Variants in SYBU observed in about 807,000 individuals in gnomAD.
SYBU encodes syntabulin.
A neutral mutation model predicts 35.9 loss-of-function variants in SYBU; 21 were observed. The ratio of observed to expected loss-of-function variants is 0.58; its 90% CI spans 0.41 to 0.84. The LOEUF is 0.84. Among genes scored for constraint, SYBU ranks in the 40% least tolerant of loss-of-function variants. The pLI is 0.00. For synonymous variants in SYBU, 319 were observed against 324.3 expected (o/e 0.98, Z 0.18); for missense variants, 768 against 848.2 (o/e 0.91, Z 1.17).
upstream of SYBU, among the ~76,000 whole-genome samples, chr8:109,684,855 A>T (rs1397357373): frequency 6.6e-6 from 1 of 152,172 alleles, no homozygotes; most frequent in South Asian, 2.1e-4. Flanking sequence ...CCCATGAATA[A>T]ATTTTCCTTT....
At chr8:109,675,580 T>A (rs1817157444) in intron 1 of SYBU, among the ~76,000 whole-genome samples, 1 of 152,116 alleles carries the variant, frequency 6.6e-6, no homozygotes, top group Non-Finnish European at 1.5e-5. Context: ...CTCCCAAGAC[T>A]AAGCCAGGAA....
intron 3 of SYBU, among the ~76,000 whole-genome samples, chr8:109,600,771 G>A (rs6982592): frequency 0.14 from 20,967 of 152,184 alleles, 1,632 homozygotes; most frequent in South Asian, 0.29. Flanking sequence ...GCTCAGATGT[G>A]AAAAACAATC....
chr8:109,575,068 A>C lies in SYBU; in HGVS notation c.1830T>G (p.Asp610Glu), dbSNP rs1013936759. 6.2e-7 allele frequency: 1 copy of C among 1,608,758 alleles called. No individual in the cohort carries two copies. The highest frequency in any genetic ancestry group is 1.3e-5 in the African/African-American group (1 of 74,824). The change falls in exon 7 of 7, where the codon GAT becomes GAG. Residue 610 changes from aspartate to glutamate, a missense_variant. Coordinates refer to ENST00000276646, the MANE Select transcript of SYBU (RefSeq NM_001099754.2). ...CCACGGGGGCAGCCACAGCCAGGAG[A>C]TCCACCAGGAAGCTGCTGCTCCAGT... ...RQYWSSSFLV[D>E]LLAVAAPVVP...
rs1822011516 is a variant in SYBU, at chr8:109,574,744, C to T, written c.*162G>A. The T allele has an allele frequency of 2.9e-6, 2 of 692,858 alleles. No individual in the cohort carries two copies. Among genetic ancestry groups the T allele is most frequent in the Non-Finnish European group, 4.3e-6 (2 of 462,486 alleles). 42.9% of individuals were successfully genotyped at this position (692,858 alleles called of 1,614,324 possible). A position where few individuals can be genotyped will look rare whatever the true frequency, so the allele number is the denominator to read the frequency against. On this transcript the variant is annotated 3_prime_UTR_variant, in exon 7 of 7. Transcript: ENST00000276646. ...GGTCTCCATGCCTTTGAAGATACCT[C>T]CGGTTTTAAACAGTGAACAGGCTTC...
chr8:109,615,414 C>T (rs1811624165), intron 3 of SYBU, among the ~76,000 whole-genome samples: 1 of 152,048 alleles, frequency 6.6e-6, no homozygotes, highest in Admixed American at 6.6e-5. Flanking sequence ...TAGAGTCATC[C>T]AGGGGCCTCG....
upstream of SYBU, among the ~76,000 whole-genome samples, chr8:109,682,620 A>T (rs1173301266): frequency 1.3e-5 from 2 of 152,228 alleles, no homozygotes; most frequent in African/African-American, 4.8e-5. Context: ...TAATGATGCA[A>T]TAGAAAAGAA....
At chr8:109,627,476 TATC>T (rs757916997) in intron 2 of SYBU, among the ~76,000 whole-genome samples, 6 of 152,190 alleles carry the variant, frequency 3.9e-5, no homozygotes, top group Non-Finnish European at 7.3e-5. Context: ...ATTAAGTACT[TATC>T]ATGTGGCAAA....
chr8:109,684,432 A>G (rs1319136994), upstream of SYBU, among the ~76,000 whole-genome samples: 1 of 152,260 alleles, frequency 6.6e-6, no homozygotes, highest in Admixed American at 6.5e-5. Context: ...TTTTGGTTTA[A>G]AAATGTGGCA....
At chr8:109,588,240 T>C (rs80159467) in intron 3 of SYBU, among the ~76,000 whole-genome samples, 2,772 of 152,338 alleles carry the variant, frequency 0.018, 37 homozygotes, top group Non-Finnish European at 0.028. Context: ...AAGCAGAAAT[T>C]CTAGAACAGG....
At chr8:109,647,578 T>C (rs1018724062), upstream of SYBU, 1 of 152,230 alleles carries the variant, frequency 6.6e-6, no homozygotes, top group Non-Finnish European at 1.5e-5. Context: ...TGTTATACAG[T>C]TGACACTCAA....
At chr8:109,688,404 C>T (rs921430732) in intron 1 of SYBU, among the ~76,000 whole-genome samples, 2 of 152,158 alleles carry the variant, frequency 1.3e-5, no homozygotes, top group South Asian at 2.1e-4. Context: ...CTTTCCTTTG[C>T]CAGTACCTGC....
intron 3 of SYBU, chr8:109,607,808 T>TCACACACACACACACACACA (rs71305960): frequency 3.4e-5 from 13 of 377,202 alleles, no homozygotes; most frequent in African/African-American, 9.6e-5. Context: ...CACAACTAAC[T>TCACACACACACACACACACA]CACACACACA....
intron 1 of SYBU, among the ~76,000 whole-genome samples, chr8:109,687,692 T>G (rs1030816155): frequency 2.6e-5 from 4 of 152,184 alleles, no homozygotes; most frequent in African/African-American, 9.7e-5. Context: ...GTCTAGATTT[T>G]TTTTCTCTTA....
At chr8:109,670,605 T>C (rs1032948053) in intron 1 of SYBU, among the ~76,000 whole-genome samples, 6 of 152,168 alleles carry the variant, frequency 3.9e-5, no homozygotes, top group African/African-American at 1.2e-4. Context: ...ATTTATGTTT[T>C]TGTGAATACT....
Position 109,575,721 on chromosome 8 carries a change from G to T in SYBU, c.1177C>A (p.Pro393Thr), listed in dbSNP as rs753580075. 3 of 1,614,146 alleles carry T rather than the reference G, an allele frequency of 1.9e-6. No homozygotes were observed. The East Asian group carries it at 6.7e-5, about 36-fold the overall frequency. The change falls in exon 7 of 7, where the codon CCA (proline) becomes ACA (threonine). Residue 393 changes from proline (P) to threonine (T), a missense_variant. Coordinates refer to ENST00000276646, the MANE Select transcript of SYBU (RefSeq NM_001099754.2). ...SLRDELCLDF[P>T]CDSPEKSLTL... ...AAGCTCTTCTCTGGGGAATCACATG[G>T]AAAGTCTAGGCACAGTTCGTCCCTC...
At chr8:109,616,002 C>CTTTTTTTTTTTTTTTT (rs1811725305) in intron 3 of SYBU, among the ~76,000 whole-genome samples, 1 of 99,288 alleles carries the variant, frequency 1.0e-5, no homozygotes, top group African/African-American at 4.5e-5. Context: ...CTTTTCTTTT[C>CTTTTTTTTTTTTTTTT]TTTCTTTTTT....
chr8:109,628,530 A>T (rs1164800832), intron 2 of SYBU, among the ~76,000 whole-genome samples: 1 of 151,904 alleles, frequency 6.6e-6, no homozygotes, highest in Non-Finnish European at 1.5e-5. Context: ...TTTTTTGTAA[A>T]TAGGATCTCA....
upstream of SYBU, chr8:109,645,051 C>T (rs1017182264): frequency 6.0e-6 from 3 of 499,544 alleles, no homozygotes; most frequent in African/African-American, 3.9e-5. Flanking sequence ...TGTAGGCAGG[C>T]TGCGGCTAGC....
rs1826250213 is a variant in SYBU at position 109,608,050 on chromosome 8, A to G, written c.427+10792T>C. 3.5e-6 allele frequency: 4 copies of G among 1,130,022 alleles called. No homozygotes were observed. The South Asian group carries it at 6.3e-5, about 18-fold the overall frequency. 70.0% of individuals were successfully genotyped at this position (1,130,022 alleles called of 1,614,324 possible). On this transcript the variant is annotated intron_variant, in intron 3 of 6. Transcript: ENST00000276646. ...GTAGAGTACAGTCTCAGAGTGGGGTATCCATGGAGACTGAGCCTTCTGCAT... is the reference window on the plus strand; with the variant it reads ...GTAGAGTACAGTCTCAGAGTGGGGTGTCCATGGAGACTGAGCCTTCTGCAT...
Sources: allele counts gnomAD v4.1 joint callset (sites outside exome capture counted in the v4.1 genomes callset), GRCh38; gene constraint gnomAD v4.1.1; transcripts MANE v1.5; gene names NCBI Gene and HGNC (gene_info 2026-07-23, HGNC 2026-07-21).